The following UGT2B28 variants were observed in gnomAD, a reference collection of about 807,000 sequenced individuals.
The protein encoded by UGT2B28 is UDP glucuronosyltransferase family 2 member B28.
Under a neutral mutation model 43.6 loss-of-function variants are expected in UGT2B28, and 45 were observed. The observed-to-expected ratio is 1.03, with a 90% confidence interval of 0.81 to 1.32. The LOEUF (loss-of-function observed/expected upper bound fraction) is 1.32. Ranked by LOEUF, UGT2B28 falls within the 40% of genes most tolerant of loss-of-function variation. The pLI, the probability that UGT2B28 is intolerant of heterozygous loss-of-function variation, is 0.00. For missense variants in UGT2B28, 649 were observed against 625.5 expected, an observed-to-expected ratio of 1.04 and a Z score of -0.40; for synonymous variants, 204 against 208.1, an observed-to-expected ratio of 0.98 and a Z score of 0.17.
rs377383662 is a variant in UGT2B28, at chr4:69,292,093, C to G, written c.1310+1282C>G. Among the ~76,000 whole-genome samples, 7 of 140,620 alleles carry G rather than the reference C, an allele frequency of 5.0e-5. 1 individual carries two copies. The South Asian group carries it at 1.4e-3, about 29-fold the overall frequency. 92.3% of individuals were successfully genotyped at this position (140,620 alleles called of 152,430 possible). A position where few individuals can be genotyped will look rare whatever the true frequency, so the allele number is the denominator to read the frequency against. On this transcript the variant is annotated intron_variant, in intron 5 of 5. Transcript: ENST00000335568. ...TCTTATTATTAAGTTTTAAGAACTA[C>G]TTATATATTATGGGTCAAATCAGAT...
chr4:69,282,536 G>C lies in UGT2B28; in HGVS notation c.744G>C (p.Glu248Asp). The C allele has an allele frequency of 6.5e-7, 1 of 1,548,578 alleles. No individual in the cohort carries two copies. The highest frequency in any genetic ancestry group is 8.7e-7 in the Non-Finnish European group (1 of 1,151,796). Residue 248 changes from glutamate (E) to aspartate (D), a missense_variant, in exon 2 of 6, where the codon GAG becomes GAC. Coordinates refer to ENST00000335568, the MANE Select transcript of UGT2B28 (RefSeq NM_053039.2). ...EVLGRPTTLF[E>D]TMGKADIWLM... Reference sequence around the variant, plus strand: ...CAGGAAGACCCACTACCTTATTTGAGACAATGGGGAAAGCTGACATATGGC... The same window carrying C: ...CAGGAAGACCCACTACCTTATTTGACACAATGGGGAAAGCTGACATATGGC...
Position 69,294,104 on chromosome 4 carries a change from G to C in UGT2B28, c.1311-426G>C, listed in dbSNP as rs941089518. On this transcript the variant is annotated intron_variant, in intron 5 of 5. Coordinates refer to ENST00000335568, the MANE Select transcript of UGT2B28 (RefSeq NM_053039.2). Reference sequence around the variant, plus strand: ...CTGTTTGAGAACTAAGAGTGTAATTGGATTGTTCATAATACAAAGGATAAA... The same window carrying C: ...CTGTTTGAGAACTAAGAGTGTAATTCGATTGTTCATAATACAAAGGATAAA... Among the ~76,000 whole-genome samples, 12 of 139,194 alleles carry C rather than the reference G, an allele frequency of 8.6e-5. 2 individuals carry two copies. The highest frequency in any genetic ancestry group is 5.0e-4 in the Admixed American group (7 of 13,882). The allele number at this position is 139,194 out of a possible 152,430, so 91.3% of individuals were successfully genotyped here.
At chr4:69,289,071 A>G (rs1245996475) in intron 3 of UGT2B28, among the ~76,000 whole-genome samples, 1 of 139,392 alleles carries the variant, frequency 7.2e-6, no homozygotes, top group African/African-American at 2.8e-5. Flanking sequence ...GGATCTTCAT[A>G]AAAGAACCAG....
rs773433490 is a variant in UGT2B28 at position 69,286,836 on chromosome 4, G to T, written c.955G>T (p.Glu319Ter). The T allele has an allele frequency of 1.3e-6, 2 of 1,556,890 alleles. No homozygotes were observed. Among genetic ancestry groups the T allele is most frequent in the Non-Finnish European group, 1.7e-6 (2 of 1,154,544 alleles). ...GTCAGTGATAAGTAACATGACAGCA[G>T]AAAGGGCCAACGTAATTGCAACAGC... ...LGSVISNMTA[E>*]RANVIATALA... The change falls in exon 3 of 6, where the codon GAA (glutamate) becomes TAA (stop). Residue 319 changes from glutamate to a stop codon, truncating the protein, a stop_gained. Transcript: ENST00000335568. LOFTEE classifies it high-confidence loss of function.
At chr4:69,285,706 C>T (rs1321607687) in intron 2 of UGT2B28, among the ~76,000 whole-genome samples, 1 of 141,446 alleles carries the variant, frequency 7.1e-6, no homozygotes, top group Non-Finnish European at 1.5e-5. Context: ...ATGATTAAAT[C>T]TGAAAATACT....
intron 5 of UGT2B28, among the ~76,000 whole-genome samples, chr4:69,292,935 C>A (rs1723995412): frequency 7.1e-6 from 1 of 140,344 alleles, no homozygotes; most frequent in Admixed American, 7.1e-5. Context: ...TTTATCTCAG[C>A]AATTCTACTC....
intron 5 of UGT2B28, 33 bp downstream of exon 5, chr4:69,290,844 T>A (rs562182739): frequency 1.9e-6 from 3 of 1,541,244 alleles, no homozygotes; most frequent in East Asian, 4.6e-5. Context: ...CTAGGTGGTA[T>A]TTGTAGATAG....
chr4:69,288,049 A>T lies in UGT2B28; in HGVS notation c.1002+1166A>T, dbSNP rs1385073329. Among the ~76,000 whole-genome samples, 5 of 140,048 alleles carry T rather than the reference A, an allele frequency of 3.6e-5. 1 individual carries two copies. Among genetic ancestry groups the T allele is most frequent in the Non-Finnish European group, 7.6e-5 (5 of 65,702 alleles). The allele number at this position is 140,048 out of a possible 152,430, so 91.9% of individuals were successfully genotyped here. ...TCAAAGCTTTGTAGCACGTTGTCTA[A>T]GTGATAATAATCAGTTGACCAAATT... On this transcript the variant is annotated intron_variant, in intron 3 of 5. Transcript: ENST00000335568.
Position 69,291,844 on chromosome 4 carries a change from T to C in UGT2B28, c.1310+1033T>C, listed in dbSNP as rs1473432737. On this transcript the variant is annotated intron_variant, in intron 5 of 5. Transcript: ENST00000335568. ...TTCATCACTACCATCAGCAGTACAA[T>C]ATGGTTCCAATTCCTCCACACTGTT... Among the ~76,000 whole-genome samples the C allele has an allele frequency of 1.4e-5, 2 of 140,452 alleles. 1 individual carries two copies. The highest frequency in any genetic ancestry group is 4.8e-4 in the South Asian group (2 of 4,166). The allele number at this position is 140,452 out of a possible 152,430, so 92.1% of individuals were successfully genotyped here.
At position 69,290,124 on chromosome 4, in the gene UGT2B28, C is replaced by G. The variant is rs1336506062; in HGVS notation, c.1090+372C>G. 4.3e-5 allele frequency among the ~76,000 whole-genome samples: 6 copies of G among 139,758 alleles called. 3 individuals carry two copies. The highest frequency in any genetic ancestry group is 1.7e-4 in the African/African-American group (6 of 35,516). The allele number at this position is 139,758 out of a possible 152,430, so 91.7% of individuals were successfully genotyped here. On this transcript the variant is annotated intron_variant, in intron 4 of 5. Transcript: ENST00000335568. Reference sequence around the variant, plus strand: ...ATAATAGCTCTTCTATCACCAGTGACTCTGTATTATCTGGAGGACTAAATT... The same window carrying G: ...ATAATAGCTCTTCTATCACCAGTGAGTCTGTATTATCTGGAGGACTAAATT...
chr4:69,284,295 C>T (rs535005032), intron 2 of UGT2B28, among the ~76,000 whole-genome samples: 1 of 140,406 alleles, frequency 7.1e-6, no homozygotes, highest in Non-Finnish European at 1.5e-5. Flanking sequence ...AGATTATATT[C>T]TTTTTGAAGG....
chr4:69,286,775 C>G lies in UGT2B28; in HGVS notation c.894C>G (p.Ser298Arg), dbSNP rs534070906. Residue 298 changes from serine (S) to arginine (R), a missense_variant, in exon 3 of 6, where the codon AGC becomes AGG. Transcript: ENST00000335568. Reference sequence around the variant, plus strand: ...AGGAAATGGAGGAATTTGTACAGAGCTCTGGTGAAAATGGTGTTGTGGTGT... The same window carrying G: ...AGGAAATGGAGGAATTTGTACAGAGGTCTGGTGAAAATGGTGTTGTGGTGT... ...LPKEMEEFVQSSGENGVVVFS... is the reference protein window; with the variant it reads ...LPKEMEEFVQRSGENGVVVFS... 10 of 1,554,990 alleles carry G rather than the reference C, an allele frequency of 6.4e-6. 1 individual carries two copies. The highest frequency in any genetic ancestry group is 8.7e-6 in the Non-Finnish European group (10 of 1,154,132).
In UGT2B28 at chr4:69,280,636, C is replaced by G. The variant is rs761902120; in HGVS notation, c.136C>G (p.Leu46Val). 14 of 1,561,146 alleles carry G rather than the reference C, an allele frequency of 9.0e-6. 1 individual carries two copies. In the South Asian group the frequency reaches 1.5e-4, roughly 17 times the overall value. ...WMNMKTILKE[L>V]VQRGHEVTVL... ...GAATATGAAGACAATCCTGAAAGAG[C>G]TTGTTCAGAGAGGTCATGAGGTGAC... Residue 46 changes from leucine to valine, a missense_variant, in exon 1 of 6, where the codon CTT becomes GTT. Coordinates refer to ENST00000335568, the MANE Select transcript of UGT2B28 (RefSeq NM_053039.2).
chr4:69,284,988 A>T (rs1185504070), intron 2 of UGT2B28, among the ~76,000 whole-genome samples: 1 of 140,350 alleles, frequency 7.1e-6, no homozygotes, highest in Non-Finnish European at 1.5e-5. Context: ...CATTAGAATT[A>T]ATCCGACATC....
chr4:69,289,545 T>G (rs550725531), intron 3 of UGT2B28, 120 bp from the exon 4 acceptor site: 3 of 925,112 alleles, frequency 3.2e-6, no homozygotes, highest in Non-Finnish European at 4.5e-6. Flanking sequence ...TTTACATCAA[T>G]CTCTGAGTAG....
At chr4:69,291,223 C>T (rs1468137265) in intron 5 of UGT2B28, among the ~76,000 whole-genome samples, 2 of 139,938 alleles carry the variant, frequency 1.4e-5, no homozygotes, top group African/African-American at 5.6e-5. Context: ...TTTTAACAGA[C>T]TTGAAAATGA....
chr4:69,294,076 T>C (rs1301015209), intron 5 of UGT2B28, among the ~76,000 whole-genome samples: 4 of 140,372 alleles, frequency 2.8e-5, no homozygotes, highest in Non-Finnish European at 6.1e-5. Flanking sequence ...GGTACTCATA[T>C]GCCTGTTTGA....
Position 69,286,107 on chromosome 4 carries a change from A to T in UGT2B28, c.871-645A>T, listed in dbSNP as rs1184093832. Among the ~76,000 whole-genome samples the T allele has an allele frequency of 5.0e-5, 7 of 141,190 alleles. 1 individual carries two copies. The highest frequency in any genetic ancestry group is 1.9e-4 in the African/African-American group (7 of 36,210). The allele number at this position is 141,190 out of a possible 152,430, so 92.6% of individuals were successfully genotyped here. On this transcript the variant is annotated intron_variant, in intron 2 of 5. Coordinates refer to ENST00000335568, the MANE Select transcript of UGT2B28 (RefSeq NM_053039.2). ...TAAAAATTCCAAATCACAATACTAG[A>T]CTCAGGAATGTCAGTGATTCTTAAC...
Position 69,294,990 on chromosome 4 carries a change from T to C in UGT2B28, c.*181T>C. On this transcript the variant is annotated 3_prime_UTR_variant, in exon 6 of 6. Coordinates refer to ENST00000335568, the MANE Select transcript of UGT2B28 (RefSeq NM_053039.2). Reference sequence around the variant, plus strand: ...CAGAGATTTACCACCCAGGTAATGGTTAGAAATATTCTGTGGCAATGAAGA... The same window carrying C: ...CAGAGATTTACCACCCAGGTAATGGCTAGAAATATTCTGTGGCAATGAAGA... 1 of 772,594 alleles carries C rather than the reference T, an allele frequency of 1.3e-6. No individual in the cohort carries two copies. The highest frequency in any genetic ancestry group is 1.8e-6 in the Non-Finnish European group (1 of 558,508). 47.9% of individuals were successfully genotyped at this position (772,594 alleles called of 1,614,324 possible). A position where few individuals can be genotyped will look rare whatever the true frequency, so the allele number is the denominator to read the frequency against.
Sources: gnomAD v4.1 joint callset for allele counts (sites outside exome capture counted in the v4.1 genomes callset) on GRCh38, gnomAD v4.1.1 for gene constraint, MANE v1.5 for transcripts, NCBI Gene and HGNC (gene_info 2026-07-23, HGNC 2026-07-21) for gene names.